LTBP2: variants seen among roughly 807,000 people sequenced by gnomAD.
LTBP2 encodes latent-transforming growth factor beta-binding protein 2.
LTBP2 carries 103 observed loss-of-function variants against 210.6 expected under a neutral mutation model. That is an observed-to-expected ratio of 0.49 (90% CI 0.42 to 0.58). LTBP2 has a LOEUF of 0.58. Among genes scored for constraint, LTBP2 ranks in the 20% least tolerant of loss-of-function variants. LTBP2 has a pLI of 0.00. For synonymous variants in LTBP2, 1,007 were observed against 1,015.0 expected (o/e 0.99, Z 0.15); for missense variants, 2,313 against 2,494.5 (o/e 0.93, Z 1.55).
intron 8 of LTBP2, among the ~76,000 whole-genome samples, chr14:74,545,302 AT>A (rs989586077): frequency 2.0e-5 from 3 of 152,194 alleles, no homozygotes; most frequent in African/African-American, 7.2e-5. Context: ...AGGGTTAAAA[AT>A]CCTGGGCTTG....
chr14:74,502,943 G>C lies in LTBP2; in HGVS notation c.4889-9C>G, dbSNP rs1454347902. On this transcript the variant is annotated splice_polypyrimidine_tract_variant and intron_variant, in intron 33 of 35. Coordinates refer to ENST00000261978, the MANE Select transcript of LTBP2 (RefSeq NM_000428.3). ...CAGCTGAGCATAGACCTCTGTCAGG[G>C]AGGAGGGAGAGAAGGAGCTGGGTTC... The C allele has an allele frequency of 6.2e-7, 1 of 1,610,234 alleles. No individual in the cohort carries two copies. Among genetic ancestry groups the C allele is most frequent in the Non-Finnish European group, 8.5e-7 (1 of 1,179,908 alleles).
intron 31 of LTBP2, 69 bp from the exon 32 acceptor site, chr14:74,503,675 G>A (rs1374746135): frequency 1.3e-6 from 2 of 1,594,216 alleles, no homozygotes; most frequent in Non-Finnish European, 1.7e-6. Flanking sequence ...AGGGAAGGGT[G>A]TTTGCCTATC....
intron 3 of LTBP2, among the ~76,000 whole-genome samples, chr14:74,579,716 A>C (rs918862363): frequency 6.6e-6 from 1 of 152,062 alleles, no homozygotes; most frequent in East Asian, 1.9e-4. Flanking sequence ...ACGGACAAAA[A>C]CTCAGAGAGA....
chr14:74,544,287 C>T (rs565819447), intron 8 of LTBP2, among the ~76,000 whole-genome samples: 6 of 152,276 alleles, frequency 3.9e-5, no homozygotes, highest in African/African-American at 9.6e-5. Context: ...ATGCTTGTGC[C>T]GGGTGCAAGA....
In LTBP2 at chr14:74,553,965, T is replaced by TGTGTGA. The variant is rs1425985160; in HGVS notation, c.1022-904_1022-903insTCACAC. 2.2e-5 allele frequency among the ~76,000 whole-genome samples: 3 copies of TGTGTGA among 137,738 alleles called. No individual in the cohort carries two copies. In the Admixed American group the frequency reaches 2.2e-4, roughly 10 times the overall value. 90.4% of individuals were successfully genotyped at this position (137,738 alleles called of 152,430 possible). ...GTGTGTGTGTGTGTGTGTGTGTGTG[T>TGTGTGA]GAATGAGAGAGCTGTAAGCAATTGT... is the stretch of plus-strand genomic sequence containing the variant. On this transcript the variant is annotated intron_variant, in intron 4 of 35. Transcript: ENST00000261978.
At chr14:74,505,707 A>G (rs879673930) in intron 28 of LTBP2, among the ~76,000 whole-genome samples, 1 of 152,126 alleles carries the variant, frequency 6.6e-6, no homozygotes, top group South Asian at 2.1e-4. Context: ...GGTTTAGTTC[A>G]GCTCCAAGTC....
chr14:74,532,327 G>A, intron 10 of LTBP2, 99 bp downstream of exon 10: 1 of 1,546,432 alleles, frequency 6.5e-7, no homozygotes, highest in African/African-American at 1.4e-5. Flanking sequence ...GCGTGATCAG[G>A]TCTGGGGAAA....
rs537536694 is a variant in LTBP2, at chr14:74,535,794, C to T, written c.1864+132G>A. ...TAGTCCCCTGGAATCAGCAGCCCCC[C>T]ACCACTCCCCAAAGCTGGGGCTTAG... On this transcript the variant is annotated intron_variant, in intron 9 of 35. Coordinates refer to ENST00000261978, the MANE Select transcript of LTBP2 (RefSeq NM_000428.3). 1.4e-5 allele frequency: 11 copies of T among 805,444 alleles called. No homozygotes were observed. The African/African-American group carries it at 1.5e-4, about 11-fold the overall frequency. 49.9% of individuals were successfully genotyped at this position (805,444 alleles called of 1,614,324 possible).
At chr14:74,601,151 A>G (rs1260842360) in intron 2 of LTBP2, among the ~76,000 whole-genome samples, 1 of 152,170 alleles carries the variant, frequency 6.6e-6, no homozygotes, top group Non-Finnish European at 1.5e-5. Flanking sequence ...TTCTCTACCC[A>G]GAGGAGTTGC....
chr14:74,507,215 G>A lies in LTBP2; in HGVS notation c.3871C>T (p.Pro1291Ser). The A allele has an allele frequency of 6.2e-7, 1 of 1,614,150 alleles. No homozygotes were observed. Among genetic ancestry groups the A allele is most frequent in the Non-Finnish European group, 8.5e-7 (1 of 1,180,002 alleles). Residue 1291 changes from proline to serine, a missense_variant, in exon 26 of 36, where the codon CCT (proline) becomes TCT (serine). Pro to Ser is a moderately conservative substitution (Grantham distance 74). Coordinates refer to ENST00000261978, the MANE Select transcript of LTBP2 (RefSeq NM_000428.3). ...GSYRCVLGCQ[P>S]GFHMAPNGDC... is the part of the protein sequence containing the mutation. The stretch of plus-strand genomic sequence containing the variant: ...CCGTTCGGGGCCATGTGGAAGCCAG[G>A]CTGGCAGCCCAGAACACAGCGGTAG...
At chr14:74,567,591 C>T (rs996687971) in intron 3 of LTBP2, among the ~76,000 whole-genome samples, 4 of 152,118 alleles carry the variant, frequency 2.6e-5, no homozygotes, top group African/African-American at 9.7e-5. Flanking sequence ...AAAAAGAGCC[C>T]CTCTAAGTGC....
chr14:74,587,930 C>T (rs1336151807), intron 2 of LTBP2, among the ~76,000 whole-genome samples: 1 of 152,220 alleles, frequency 6.6e-6, no homozygotes, highest in Non-Finnish European at 1.5e-5. Flanking sequence ...TCCCCTCTAA[C>T]ATTCCTCTAA....
chr14:74,527,487 G>T, intron 12 of LTBP2, 121 bp from the exon 13 acceptor site: 3 of 1,083,112 alleles, frequency 2.8e-6, no homozygotes, highest in Non-Finnish European at 2.7e-6. Flanking sequence ...AGGGCCAGCA[G>T]CACAGAAAGC....
Position 74,506,707 on chromosome 14 carries a change from C to G in LTBP2, c.4024G>C (p.Asp1342His). The change falls in exon 27 of 36, where the codon GAC (aspartate) becomes CAC (histidine). Residue 1342 changes from aspartate to histidine, a missense_variant. Physicochemically the swap from Asp to His is moderately conservative, Grantham distance 81. This residue lies in a region of LTBP2 where 1,867 missense variants were observed against 1,976.9 expected (regional missense o/e 0.94). Coordinates refer to ENST00000261978, the MANE Select transcript of LTBP2 (RefSeq NM_000428.3). ...CCCACAGGCTCCTCACCCACACAGT[C>G]CCAGCCTGAGGGAGAGATCTCGAAG... is the stretch of plus-strand genomic sequence containing the variant. Reference protein sequence around the residue: ...QGFEISPSGWDCVDVNECELM... With the variant: ...QGFEISPSGWHCVDVNECELM... 1 of 1,613,600 alleles carries G rather than the reference C, an allele frequency of 6.2e-7. No individual in the cohort carries two copies. Among genetic ancestry groups the G allele is most frequent in the African/African-American group, 1.3e-5 (1 of 75,066 alleles).
At chr14:74,546,808 G>T (rs1036609567) in intron 8 of LTBP2, among the ~76,000 whole-genome samples, 2 of 152,250 alleles carry the variant, frequency 1.3e-5, no homozygotes, top group African/African-American at 4.8e-5. Flanking sequence ...GCATCAGGTG[G>T]GCTGAGCTCT....
intron 31 of LTBP2, 53 bp downstream of exon 31, chr14:74,503,873 C>T (rs773322585): frequency 1.7e-5 from 28 of 1,609,626 alleles, no homozygotes; most frequent in Middle Eastern, 1.7e-4. Flanking sequence ...GCTGGGTGGG[C>T]CATTATTCAG....
intron 1 of LTBP2, among the ~76,000 whole-genome samples, chr14:74,609,151 G>C (rs918528469): frequency 3.3e-5 from 5 of 152,196 alleles, no homozygotes; most frequent in African/African-American, 9.7e-5. Flanking sequence ...AGCCAGAATG[G>C]ACCAGGGTGG....
chr14:74,599,877 G>A (rs925105458), intron 2 of LTBP2, among the ~76,000 whole-genome samples: 5 of 152,274 alleles, frequency 3.3e-5, no homozygotes, highest in African/African-American at 9.6e-5. Flanking sequence ...GAGTCTCCCT[G>A]TGGTTCTGGC....
At chr14:74,511,594 T>C (rs2087072424) in intron 18 of LTBP2, among the ~76,000 whole-genome samples, 1 of 152,042 alleles carries the variant, frequency 6.6e-6, no homozygotes. Context: ...ACTCCCTGGG[T>C]GGGTGCAGTA....
Sources: allele counts gnomAD v4.1 joint callset (sites outside exome capture counted in the v4.1 genomes callset), GRCh38; gene constraint gnomAD v4.1.1; regional missense constraint gnomAD v4.1.1; transcripts MANE v1.5; gene names NCBI Gene and HGNC (gene_info 2026-07-23, HGNC 2026-07-21).